Variants in DPF3 observed in about 807,000 individuals in gnomAD.
The protein encoded by DPF3 is zinc finger protein DPF3.
DPF3 carries 18 observed loss-of-function variants against 56.8 expected under a neutral mutation model. That is an observed-to-expected ratio of 0.32 (90% CI 0.22 to 0.47). The LOEUF is 0.47. DPF3 is among the 20% of genes least tolerant of loss of function. The probability of loss-of-function intolerance (pLI) is 1.00; values close to 1 mark genes in which losing one functional copy is unlikely to be tolerated. For synonymous variants in DPF3, 188 were observed against 180.2 expected (o/e 1.04, Z -0.35); for missense variants, 403 against 488.8 (o/e 0.82, Z 1.65).
At chr14:72,773,812 A>G in intron 1 of DPF3, 1 of 448,002 alleles carries the variant, frequency 2.2e-6, no homozygotes, top group Non-Finnish European at 4.4e-6. Context: ...TTCCTTTTTA[A>G]GTCAGAATAA....
intron 8 of DPF3, among the ~76,000 whole-genome samples, chr14:72,657,946 C>T (rs1315541322): frequency 6.6e-6 from 1 of 152,134 alleles, no homozygotes; most frequent in East Asian, 1.9e-4. Context: ...AACCTCCTCT[C>T]CAACCCAACA....
At chr14:72,716,967 C>G (rs1459122683) in intron 5 of DPF3, among the ~76,000 whole-genome samples, 1 of 152,152 alleles carries the variant, frequency 6.6e-6, no homozygotes, top group African/African-American at 2.4e-5. Flanking sequence ...ACACTGCCCC[C>G]CTAGTCCATC....
intron 9 of DPF3, among the ~76,000 whole-genome samples, chr14:72,622,332 A>G (rs1415653728): frequency 6.6e-6 from 1 of 152,186 alleles, no homozygotes; most frequent in Non-Finnish European, 1.5e-5. Context: ...GAACAGTCAG[A>G]GAGGTGGGAT....
At chr14:72,846,480 C>T (rs61392826) in intron 1 of DPF3, among the ~76,000 whole-genome samples, 42,817 of 151,498 alleles carry the variant, frequency 0.28, 6,232 homozygotes, top group African/African-American at 0.32. Flanking sequence ...GGACTACAGG[C>T]GCCCGCCACC....
chr14:72,687,056 T>C (rs1219328722), intron 7 of DPF3, among the ~76,000 whole-genome samples: 1 of 152,220 alleles, frequency 6.6e-6, no homozygotes, highest in East Asian at 1.9e-4. Flanking sequence ...ATCAGACTAA[T>C]TTTCAGATTA....
chr14:72,728,707 C>T (rs1202532090), intron 4 of DPF3, among the ~76,000 whole-genome samples: 1 of 152,068 alleles, frequency 6.6e-6, no homozygotes, highest in East Asian at 1.9e-4. Context: ...AAGCACCAAG[C>T]ACTGTTTGGG....
chr14:72,640,954 T>C (rs150256634), intron 8 of DPF3, among the ~76,000 whole-genome samples: 32 of 151,984 alleles, frequency 2.1e-4, no homozygotes, highest in Admixed American at 9.2e-4. Context: ...AGAGTAACCA[T>C]TGGAGTTGAA....
At chr14:72,834,120 G>T (rs776029544) in intron 1 of DPF3, among the ~76,000 whole-genome samples, 1 of 151,916 alleles carries the variant, frequency 6.6e-6, no homozygotes, top group African/African-American at 2.4e-5. Context: ...GAAGGTTGCC[G>T]TGAGCCGAGA....
rs149893118 is a variant in DPF3 at position 72,742,058 on chromosome 14, C to T, written c.302-10124G>A. Among the ~76,000 whole-genome samples, 1,271 of 152,306 alleles carry T rather than the reference C, an allele frequency of 8.3e-3. 14 individuals carry two copies. Among genetic ancestry groups the T allele is most frequent in the Admixed American group, 0.011 (164 of 15,306 alleles). On this transcript the variant is annotated intron_variant, in intron 3 of 10. Transcript: ENST00000556509. The stretch of plus-strand genomic sequence containing the variant: ...CCCAGTCCCTGCTCCTTTCCTGAGA[C>T]GGACAGGAAGGCAAAAGGAGCAGGT...
intron 1 of DPF3, among the ~76,000 whole-genome samples, chr14:72,871,779 C>G (rs1885910847): frequency 6.6e-6 from 1 of 152,206 alleles, no homozygotes; most frequent in Non-Finnish European, 1.5e-5. Flanking sequence ...GTCTCTGCAG[C>G]TTTTCCAGGC....
In DPF3 at chr14:72,723,656, G is replaced by A. The variant is rs533714896; in HGVS notation, c.502C>T (p.Arg168Ter). 8 of 1,583,836 alleles carry A rather than the reference G, an allele frequency of 5.1e-6. No individual in the cohort carries two copies. The highest frequency in any genetic ancestry group is 2.8e-5 in the African/African-American group (2 of 72,158). Residue 168 changes from arginine (R) to a stop codon, truncating the protein, a stop_gained, in exon 5 of 11, where the codon CGA becomes TGA. Coordinates refer to ENST00000556509, the MANE Select transcript of DPF3 (RefSeq NM_001280542.3). LOFTEE classifies it high-confidence loss of function. ...ACCCGTCCTCTAGTCCTGTTCTTTC[G>A]CTTGGGAATATCCTCTTCCAAATCC... is the stretch of plus-strand genomic sequence containing the variant. Reference protein sequence around the residue: ...EEDLEEDIPKRKNRTRGRARG... With the variant: ...EEDLEEDIPK
intron 1 of DPF3, among the ~76,000 whole-genome samples, chr14:72,878,772 G>A (rs1331251180): frequency 6.6e-6 from 1 of 152,224 alleles, no homozygotes; most frequent in Non-Finnish European, 1.5e-5. Context: ...AAGGGAGAAA[G>A]CCAAGCTTTT....
chr14:72,789,447 G>A (rs1892340757), intron 1 of DPF3, among the ~76,000 whole-genome samples: 1 of 152,178 alleles, frequency 6.6e-6, no homozygotes, highest in East Asian at 1.9e-4. Context: ...GCCTCTGTAG[G>A]AGAGGTTTGC....
chr14:72,739,241 CAA>C (rs35425882), intron 3 of DPF3, among the ~76,000 whole-genome samples: 11 of 124,760 alleles, frequency 8.8e-5, no homozygotes, highest in African/African-American at 2.5e-4. Flanking sequence ...GACTCTGTCT[CAA>C]AAAAAAAAAA....
At chr14:72,857,738 C>T (rs1885223930) in intron 1 of DPF3, among the ~76,000 whole-genome samples, 1 of 152,080 alleles carries the variant, frequency 6.6e-6, no homozygotes, top group African/African-American at 2.4e-5. Context: ...AGGCACACGC[C>T]ACCATGCCCA....
intron 8 of DPF3, among the ~76,000 whole-genome samples, chr14:72,637,277 T>G (rs944995764): frequency 6.6e-6 from 1 of 152,226 alleles, no homozygotes; most frequent in Non-Finnish European, 1.5e-5. Context: ...GCATACATCA[T>G]GGTTGGTCTT....
rs145275213 is a variant in DPF3, at chr14:72,690,115, A to G, written c.742+2961T>C. ...GGGGGAGTTGGAGTGTGTGCCACTC[A>G]CTGACAAGCCCACAGAGGTGAGAAC... On this transcript the variant is annotated intron_variant, in intron 7 of 10. Transcript: ENST00000556509. 7.5e-3 allele frequency among the ~76,000 whole-genome samples: 1,142 copies of G among 152,264 alleles called. 22 individuals are homozygous for G. Among genetic ancestry groups the G allele is most frequent in the African/African-American group, 0.026 (1,100 of 41,536 alleles).
At chr14:72,780,575 T>C (rs1369599515) in intron 1 of DPF3, among the ~76,000 whole-genome samples, 1 of 152,178 alleles carries the variant, frequency 6.6e-6, no homozygotes, top group African/African-American at 2.4e-5. Context: ...GAACATGAGG[T>C]GAGCCTGAAG....
At chr14:72,663,817 G>C (rs1452776720) in intron 8 of DPF3, among the ~76,000 whole-genome samples, 2 of 152,032 alleles carry the variant, frequency 1.3e-5, no homozygotes, top group African/African-American at 4.8e-5. Flanking sequence ...CAAATGAGCA[G>C]CTCAGCCTCT....
Sources: gnomAD v4.1 joint callset for allele counts (sites outside exome capture counted in the v4.1 genomes callset) on GRCh38, gnomAD v4.1.1 for gene constraint, MANE v1.5 for transcripts, NCBI Gene and HGNC (gene_info 2026-07-23, HGNC 2026-07-21) for gene names.